Variants in ARAP2 observed in about 807,000 individuals in gnomAD.
ARAP2 encodes the protein arf-GAP with Rho-GAP domain, ANK repeat and PH domain-containing protein 2.
A neutral mutation model predicts 194.5 loss-of-function variants in ARAP2; 148 were observed. That is an observed-to-expected ratio of 0.76 (90% CI 0.67 to 0.87). The LOEUF (loss-of-function observed/expected upper bound fraction) is 0.87, where lower values mean the gene tolerates loss of function less well. ARAP2 is among the 40% of genes least tolerant of loss of function. The probability of loss-of-function intolerance (pLI) is 0.00; values close to 1 mark genes in which losing one functional copy is unlikely to be tolerated. For missense variants in ARAP2, 2,128 were observed against 1,989.7 expected (o/e 1.07, Z -1.32); for synonymous variants, 695 against 683.5 (o/e 1.02, Z -0.26).
At chr4:36,162,013 C>T (rs188596801) in intron 11 of ARAP2, among the ~76,000 whole-genome samples, 2,516 of 151,272 alleles carry the variant, frequency 0.017, 55 homozygotes, top group African/African-American at 0.057. Flanking sequence ...GAGGCTGAGG[C>T]AGGAGAATGG....
intron 6 of ARAP2, among the ~76,000 whole-genome samples, chr4:36,197,623 A>G (rs2109934830): frequency 6.6e-6 from 1 of 152,312 alleles, no homozygotes; most frequent in African/African-American, 2.4e-5. Flanking sequence ...TCACGCTACC[A>G]GCCTGGATCC....
In ARAP2 at chr4:36,067,068, A is replaced by T. The variant is rs183766578; in HGVS notation, c.*839T>A. The T allele has an allele frequency of 1.3e-5, 2 of 152,246 alleles. No homozygotes were observed. Among genetic ancestry groups the T allele is most frequent in the African/African-American group, 2.4e-5 (1 of 41,468 alleles). The allele number at this position is 152,246 out of a possible 1,614,324, so 9.4% of individuals were successfully genotyped here. A position where few individuals can be genotyped will look rare whatever the true frequency, so the allele number is the denominator to read the frequency against. ...AATGCTTGCATACAATGACAGTGCA[A>T]TCAGCATCCAGGCCAGGTCCTGTGT... On this transcript the variant is annotated 3_prime_UTR_variant, in exon 33 of 33. Transcript: ENST00000303965.
intron 8 of ARAP2, among the ~76,000 whole-genome samples, chr4:36,184,036 G>A (rs1010501124): frequency 6.6e-6 from 1 of 152,102 alleles, no homozygotes; most frequent in Non-Finnish European, 1.5e-5. Flanking sequence ...AAATAGACTT[G>A]AATTTAGCTT....
chr4:36,243,317 A>G (rs953116560), intron 1 of ARAP2, among the ~76,000 whole-genome samples: 1 of 142,546 alleles, frequency 7.0e-6, no homozygotes, highest in Non-Finnish European at 1.5e-5. Context: ...TTTTCAATAC[A>G]CTTCTTGATT....
intron 8 of ARAP2, among the ~76,000 whole-genome samples, chr4:36,178,377 T>C (rs1422135566): frequency 2.6e-5 from 4 of 152,172 alleles, no homozygotes; most frequent in Admixed American, 6.5e-5. Flanking sequence ...GATTTTCTTT[T>C]AATAGAAGAA....
rs1295740414 is a variant in ARAP2 at position 36,073,687 on chromosome 4, A to C, written c.4743+2T>G. The C allele has an allele frequency of 2.5e-6, 4 of 1,610,938 alleles. No individual in the cohort carries two copies. Among genetic ancestry groups the C allele is most frequent in the African/African-American group, 1.3e-5 (1 of 74,902 alleles). Reference sequence around the variant, plus strand: ...TATAAAACAAACAAAATCCTAACCTACCTCAATATTTTTCCGGGCCAAGGT... The same window carrying C: ...TATAAAACAAACAAAATCCTAACCTCCCTCAATATTTTTCCGGGCCAAGGT... On this transcript the variant is annotated splice_donor_variant, in intron 32 of 32. Coordinates refer to ENST00000303965, the MANE Select transcript of ARAP2 (RefSeq NM_015230.4). LOFTEE classifies it high-confidence loss of function.
At chr4:36,208,422 T>C (rs1746032327) in intron 6 of ARAP2, among the ~76,000 whole-genome samples, 1 of 152,232 alleles carries the variant, frequency 6.6e-6, no homozygotes, top group African/African-American at 2.4e-5. Context: ...ACCATTTGAC[T>C]ATAAAGCTTA....
intron 6 of ARAP2, among the ~76,000 whole-genome samples, chr4:36,208,561 C>T (rs1365388150): frequency 6.6e-6 from 1 of 152,190 alleles, no homozygotes; most frequent in Non-Finnish European, 1.5e-5. Flanking sequence ...CGAAACTCAG[C>T]AACCACTGCA....
intron 19 of ARAP2, among the ~76,000 whole-genome samples, chr4:36,136,930 GCGCACA>G (rs1428630182): frequency 1.1e-4 from 3 of 27,932 alleles, no homozygotes; most frequent in African/African-American, 6.3e-4. Context: ...ACACGCGCGC[GCGCACA>G]CACACACACA....
intron 15 of ARAP2, among the ~76,000 whole-genome samples, chr4:36,153,808 C>A (rs575996781): frequency 6.6e-6 from 1 of 152,264 alleles, no homozygotes; most frequent in Non-Finnish European, 1.5e-5. Flanking sequence ...CTTCACTACT[C>A]CTCCTCTTCA....
chr4:36,173,752 CCCTA>C (rs1181608201), intron 9 of ARAP2, among the ~76,000 whole-genome samples: 2 of 152,132 alleles, frequency 1.3e-5, no homozygotes, highest in African/African-American at 4.8e-5. Context: ...AACAAGTTCA[CCCTA>C]CCTATGTTTA....
rs1406202916 is a variant in ARAP2 at position 36,241,010 on chromosome 4, T to C, written c.-160+3169A>G. On this transcript the variant is annotated intron_variant, in intron 1 of 32. Coordinates refer to ENST00000303965, the MANE Select transcript of ARAP2 (RefSeq NM_015230.4). ...TTCTGTAAGTCTTTTCCTTTCAAGC[T>C]GTCCATCCAGATTTTAAGTTAATTC... is the stretch of plus-strand genomic sequence containing the variant. 2.0e-5 allele frequency among the ~76,000 whole-genome samples: 3 copies of C among 152,220 alleles called. No individual in the cohort carries two copies. The East Asian group carries it at 5.8e-4, about 29-fold the overall frequency.
intron 5 of ARAP2, among the ~76,000 whole-genome samples, chr4:36,019,773 G>A (rs1490876126): frequency 6.6e-6 from 1 of 152,102 alleles, no homozygotes; most frequent in Non-Finnish European, 1.5e-5. Flanking sequence ...GTTATAAAGA[G>A]GGAGGGAAAA....
intron 2 of ARAP2, among the ~76,000 whole-genome samples, chr4:36,053,295 CGCCCG>C (rs1019526886): frequency 6.6e-6 from 1 of 151,800 alleles, no homozygotes; most frequent in African/African-American, 2.4e-5. Context: ...TGAGCCACCG[CGCCCG>C]GCCCAGCATG....
chr4:36,160,816 G>C (rs1733725455), intron 12 of ARAP2, among the ~76,000 whole-genome samples, 175 bp from the exon 13 acceptor site: 1 of 152,172 alleles, frequency 6.6e-6, no homozygotes, highest in African/African-American at 2.4e-5. Flanking sequence ...ACTATGATCA[G>C]TTTTTAATAC....
chr4:36,155,320 TACAC>T (rs1298786603), intron 15 of ARAP2, among the ~76,000 whole-genome samples: 1 of 152,180 alleles, frequency 6.6e-6, no homozygotes, highest in Non-Finnish European at 1.5e-5. Flanking sequence ...AGGACAAACA[TACAC>T]AGCATCCTAT....
At chr4:36,110,654 T>C (rs907424043) in intron 26 of ARAP2, among the ~76,000 whole-genome samples, 1 of 151,920 alleles carries the variant, frequency 6.6e-6, no homozygotes. Context: ...TAATATAAAA[T>C]GAAAACATCA....
intron 19 of ARAP2, among the ~76,000 whole-genome samples, chr4:36,138,218 T>C (rs1232998176): frequency 6.6e-6 from 1 of 151,728 alleles, no homozygotes; most frequent in African/African-American, 2.4e-5. Context: ...GTGAGTGATG[T>C]TTGGTCATTA....
In ARAP2 at chr4:36,165,241, T is replaced by C. The variant is rs1735011318; in HGVS notation, c.1974-128A>G. The C allele has an allele frequency of 1.4e-5, 11 of 784,420 alleles. No individual in the cohort carries two copies. In the Admixed American group the frequency reaches 3.1e-4, roughly 22 times the overall value. 48.6% of individuals were successfully genotyped at this position (784,420 alleles called of 1,614,324 possible). On this transcript the variant is annotated intron_variant, in intron 10 of 32. Transcript: ENST00000303965. ...CTGAAAAATATGGCTGCTAGGCAGT[T>C]CTGGGTTGTCTTTTCTGTTAAAAAT... is the stretch of plus-strand genomic sequence containing the variant.
Sources: allele counts gnomAD v4.1 joint callset (sites outside exome capture counted in the v4.1 genomes callset), GRCh38; gene constraint gnomAD v4.1.1; transcripts MANE v1.5; gene names NCBI Gene and HGNC (gene_info 2026-07-23, HGNC 2026-07-21).